The following ZMYM2 variants were observed in gnomAD, a reference collection of about 807,000 sequenced individuals.
ZMYM2 encodes the protein zinc finger MYM-type protein 2.
In ZMYM2, 56 loss-of-function variants were observed where a neutral mutation model predicts 162.8. The observed-to-expected ratio is 0.34, with a 90% CI of 0.28 to 0.43. The LOEUF is 0.43. ZMYM2 is among the 20% of genes least tolerant of loss of function. The pLI is 1.00. For synonymous variants in ZMYM2, 510 were observed against 541.6 expected, an observed-to-expected ratio of 0.94 and a Z score of 0.81; for missense variants, 1,275 against 1,621.8, an observed-to-expected ratio of 0.79 and a Z score of 3.67.
chr13:19,925,129 C>T, the ZMYM2 span, among the ~76,000 whole-genome samples: 1 of 152,176 alleles, frequency 6.6e-6, no homozygotes, highest in Non-Finnish European at 1.5e-5. Flanking sequence ...GGTGATCTGC[C>T]TGCCTTGGCC....
the ZMYM2 span, among the ~76,000 whole-genome samples, chr13:19,904,965 A>G: frequency 6.6e-6 from 1 of 151,384 alleles, no homozygotes. Flanking sequence ...ATAGTGAATA[A>G]TGCTGTTATG....
intron 14 of ZMYM2, among the ~76,000 whole-genome samples, chr13:20,054,500 A>G (rs1001929195): frequency 2.0e-5 from 3 of 152,184 alleles, no homozygotes; most frequent in South Asian, 2.1e-4. Context: ...GGAGTATGCA[A>G]TAAGATTTGG....
chr13:19,912,840 G>C, the ZMYM2 span, among the ~76,000 whole-genome samples: 2 of 152,114 alleles, frequency 1.3e-5, no homozygotes, highest in Non-Finnish European at 2.9e-5. Context: ...TAGTTGTGTG[G>C]GGTATGTGGA....
intron 9 of ZMYM2, among the ~76,000 whole-genome samples, chr13:20,029,348 A>C (rs977860828): frequency 6.6e-6 from 1 of 152,026 alleles, no homozygotes; most frequent in Non-Finnish European, 1.5e-5. Context: ...CAAAGCCCCT[A>C]CCTCTTCTAA....
chr13:20,037,850 A>G (rs998114720), intron 12 of ZMYM2, among the ~76,000 whole-genome samples: 2 of 152,218 alleles, frequency 1.3e-5, no homozygotes, highest in Non-Finnish European at 2.9e-5. Flanking sequence ...CAAATTTACC[A>G]AAGTAAAAAT....
At chr13:19,910,322 G>T in the ZMYM2 span, among the ~76,000 whole-genome samples, 3 of 152,116 alleles carry the variant, frequency 2.0e-5, no homozygotes, top group African/African-American at 7.2e-5. Flanking sequence ...ATTAGAAAGG[G>T]TTCTAACAGT....
At position 20,059,544 on chromosome 13, in the gene ZMYM2, T is replaced by C; in HGVS notation, c.2721T>C (p.Pro907=). 1 of 1,271,698 alleles carries C rather than the reference T, an allele frequency of 7.9e-7. No individual in the cohort carries two copies. Among genetic ancestry groups the C allele is most frequent in the Non-Finnish European group, 1.2e-6 (1 of 867,770 alleles). The allele number at this position is 1,271,698 out of a possible 1,614,324, so 78.8% of individuals were successfully genotyped here. A position where few individuals can be genotyped will look rare whatever the true frequency, so the allele number is the denominator to read the frequency against. ...TGTACAGTCAGAATATTCCTGTTCC[T>C]ACTACAGTTCCTGTTCCTGTAAGTC... ...MHMYSQNIPV[P]TTVPVPVPVP... Residue 907 remains proline, a synonymous_variant, in exon 16 of 25, where the codon CCT becomes CCC. Coordinates refer to ENST00000610343, the MANE Select transcript of ZMYM2 (RefSeq NM_197968.4).
intron 14 of ZMYM2, 47 bp from the exon 15 acceptor site, chr13:20,058,528 G>T: frequency 6.3e-7 from 1 of 1,585,668 alleles, no homozygotes; most frequent in Non-Finnish European, 8.6e-7. Context: ...AGGAAGTATT[G>T]AAAATTAGAC....
the ZMYM2 span, among the ~76,000 whole-genome samples, chr13:19,921,871 G>A: frequency 6.6e-6 from 1 of 151,898 alleles, no homozygotes; most frequent in African/African-American, 2.4e-5. Context: ...ATAAATTCAA[G>A]TTGCTTTCGA....
intron 2 of ZMYM2, among the ~76,000 whole-genome samples, chr13:19,976,352 G>GAA (rs1226982558): frequency 1.3e-5 from 2 of 150,490 alleles, no homozygotes; most frequent in Admixed American, 6.6e-5. Context: ...AAGAAAGAAA[G>GAA]AAAGAAAAAT....
the ZMYM2 span, among the ~76,000 whole-genome samples, chr13:19,884,696 C>T: frequency 6.6e-6 from 1 of 152,132 alleles, no homozygotes; most frequent in South Asian, 2.1e-4. Context: ...GACTTCGTTC[C>T]TTGCGGCGGA....
At position 20,027,231 on chromosome 13, in the gene ZMYM2, G is replaced by T; in HGVS notation, c.1764G>T (p.Lys588Asn). 6.3e-7 allele frequency: 1 copy of T among 1,580,578 alleles called. No individual in the cohort carries two copies. Residue 588 changes from lysine to asparagine, a missense_variant, in exon 9 of 25, where the codon AAG becomes AAT. Lys to Asn is a moderately conservative substitution (Grantham distance 94). Around this residue, in one of 10 missense-constraint regions of ZMYM2, gnomAD observed 276 missense variants for 311.8 expected, o/e 0.89. Transcript: ENST00000610343. The part of the protein sequence containing the change: ...QSLGIICHFC[K>N]RNSLPQYQAT... ...TGGGAATTATTTGCCATTTTTGTAA[G>T]CGAAACTCTTTACCTCAATACCAAG...
intron 2 of ZMYM2, among the ~76,000 whole-genome samples, chr13:19,963,934 A>C (rs535361484): frequency 4.5e-4 from 69 of 152,290 alleles, no homozygotes; most frequent in Admixed American, 4.0e-3. Context: ...TTAACTTTAT[A>C]ACAGTCCATT....
the ZMYM2 span, among the ~76,000 whole-genome samples, chr13:19,898,228 G>T: frequency 6.6e-6 from 1 of 150,540 alleles, no homozygotes; most frequent in Non-Finnish European, 1.5e-5. Context: ...TGGAATTAAA[G>T]AACACACTCT....
At chr13:19,915,183 A>G in the ZMYM2 span, among the ~76,000 whole-genome samples, 1 of 152,006 alleles carries the variant, frequency 6.6e-6, no homozygotes, top group Non-Finnish European at 1.5e-5. Flanking sequence ...CTGGTGTCGA[A>G]CTCCCGACCT....
the ZMYM2 span, among the ~76,000 whole-genome samples, chr13:19,866,689 A>G: frequency 0.054 from 8,235 of 152,214 alleles, 301 homozygotes; most frequent in Middle Eastern, 0.11. Flanking sequence ...TAAATAGGAA[A>G]AAATTCTTCC....
At chr13:20,052,863 T>C in intron 14 of ZMYM2, among the ~76,000 whole-genome samples, 1 of 152,334 alleles carries the variant, frequency 6.6e-6, no homozygotes, top group Non-Finnish European at 1.5e-5. Context: ...AGGAATAGGC[T>C]GAGGCAGATT....
the ZMYM2 span, among the ~76,000 whole-genome samples, chr13:19,901,613 A>G: frequency 1.3e-5 from 2 of 151,806 alleles, no homozygotes; most frequent in Non-Finnish European, 2.9e-5. Flanking sequence ...CCTCCCGAGT[A>G]GCGGGGATTA....
At chr13:20,004,625 G>A (rs764075926) in intron 4 of ZMYM2, among the ~76,000 whole-genome samples, 3 of 152,170 alleles carry the variant, frequency 2.0e-5, no homozygotes, top group Non-Finnish European at 4.4e-5. Context: ...GTTATTTGGG[G>A]ATGGGGTGTG....
Sources: allele counts gnomAD v4.1 joint callset (sites outside exome capture counted in the v4.1 genomes callset), GRCh38; gene constraint gnomAD v4.1.1; regional missense constraint gnomAD v4.1.1; transcripts MANE v1.5; gene names NCBI Gene and HGNC (gene_info 2026-07-23, HGNC 2026-07-21).